IFT70A: variants seen among roughly 807,000 people sequenced by gnomAD.
IFT70A encodes intraflagellar transport 70A.
the IFT70A span, chr2:177,617,893 G>A: frequency 2.5e-6 from 4 of 1,614,204 alleles, 1 homozygote; most frequent in Non-Finnish European, 2.5e-6. Context: ...GGTTTCTTGA[G>A]CTACCTCATA....
the IFT70A span, chr2:177,618,250 T>C: frequency 6.2e-7 from 1 of 1,614,236 alleles, no homozygotes. Context: ...GGTCTCATTG[T>C]CGCCTCCACT....
chr2:177,618,655 G>T, the IFT70A span: 2 of 1,605,786 alleles, frequency 1.2e-6, no homozygotes, highest in Non-Finnish European at 1.7e-6. Flanking sequence ...GTACACTAGC[G>T]CGGTAAACTC....
At chr2:177,618,696 A>G in the IFT70A span, 1 of 1,569,360 alleles carries the variant, frequency 6.4e-7, no homozygotes, top group Non-Finnish European at 8.7e-7. Context: ...CGCTCAGACC[A>G]GCCATAACCA....
chr2:177,617,094 T>G, the IFT70A span: 1 of 1,612,862 alleles, frequency 6.2e-7, no homozygotes. Context: ...TTTTCCGATT[T>G]GGGTCATCAT....
At chr2:177,616,868 A>C in the IFT70A span, 1 of 1,593,362 alleles carries the variant, frequency 6.3e-7, no homozygotes, top group Non-Finnish European at 8.5e-7. Context: ...AACTGGACAC[A>C]TTCTTGAATA....
At chr2:177,617,495 T>C in the IFT70A span, 1 of 1,614,178 alleles carries the variant, frequency 6.2e-7, no homozygotes. Flanking sequence ...TCATCTCTGT[T>C]GTGTCTTGCT....
At chr2:177,616,128 T>C in the IFT70A span, 2 of 152,252 alleles carry the variant, frequency 1.3e-5, no homozygotes, top group Non-Finnish European at 2.9e-5. Context: ...ATTCCCATTA[T>C]ACTTGTACTT....
At chr2:177,618,448 T>C in the IFT70A span, 10 of 1,604,742 alleles carry the variant, frequency 6.2e-6, no homozygotes, top group South Asian at 2.2e-5. Flanking sequence ...GGCCTGGGCC[T>C]GGTACAGGCG....
chr2:177,617,952 C>G, the IFT70A span: 1 of 1,614,136 alleles, frequency 6.2e-7, no homozygotes, highest in Non-Finnish European at 8.5e-7. Flanking sequence ...AGGCTTCCAC[C>G]AGAGCAGTCT....
At chr2:177,618,087 G>A in the IFT70A span, 219 of 1,614,120 alleles carry the variant, frequency 1.4e-4, no homozygotes, top group Non-Finnish European at 1.7e-4. Context: ...TCAGTGCTGA[G>A]GCATACTGTC....
chr2:177,617,523 G>T, the IFT70A span: 1 of 1,614,226 alleles, frequency 6.2e-7, no homozygotes, highest in Non-Finnish European at 8.5e-7. Context: ...CTTGCTTGGT[G>T]AGTCTCCGAA....
chr2:177,617,812 T>C, the IFT70A span: 11 of 1,614,132 alleles, frequency 6.8e-6, no homozygotes, highest in Non-Finnish European at 9.3e-6. Flanking sequence ...GGCATCCATG[T>C]TCATTAGTGC....
At chr2:177,617,479 G>A in the IFT70A span, 3 of 1,613,858 alleles carry the variant, frequency 1.9e-6, no homozygotes, top group Non-Finnish European at 2.5e-6. Flanking sequence ...CTTTTTGATA[G>A]CTTCATCATC....
the IFT70A span, chr2:177,616,663 C>T: frequency 2.2e-3 from 3,221 of 1,458,948 alleles, 20 homozygotes; most frequent in South Asian, 3.9e-3. Context: ...AAGTGTGGTA[C>T]GTAAGAAAGC....
the IFT70A span, chr2:177,618,370 T>C: frequency 2.5e-6 from 4 of 1,613,428 alleles, no homozygotes; most frequent in Non-Finnish European, 3.4e-6. Context: ...CCGGCTGTGG[T>C]AGGCGGGGTT....
the IFT70A span, chr2:177,616,869 T>C: frequency 6.3e-7 from 1 of 1,593,700 alleles, no homozygotes; most frequent in Admixed American, 1.8e-5. Flanking sequence ...ACTGGACACA[T>C]TCTTGAATAA....
At chr2:177,617,746 G>A in the IFT70A span, 13 of 1,614,070 alleles carry the variant, frequency 8.1e-6, no homozygotes, top group Non-Finnish European at 1.1e-5. Flanking sequence ...AGTCTCTGGA[G>A]GAAAGGGATT....
At chr2:177,613,772 T>G in the IFT70A span, 1 of 152,214 alleles carries the variant, frequency 6.6e-6, no homozygotes, top group South Asian at 2.1e-4. Flanking sequence ...CCTGCTTGCA[T>G]AGTATAATTT....
chr2:177,613,537 G>A, the IFT70A span: 1 of 152,164 alleles, frequency 6.6e-6, no homozygotes. Flanking sequence ...GGACTAAGAC[G>A]TTGAGACTCT....
Sources: allele counts gnomAD v4.1 joint callset, GRCh38; gene constraint gnomAD v4.1.1; transcripts MANE v1.5; gene names NCBI Gene and HGNC (gene_info 2026-07-23, HGNC 2026-07-21).